Variants in NEDD9 observed in about 807,000 individuals in gnomAD.
NEDD9 encodes the protein enhancer of filamentation 1.
NEDD9 carries 26 observed loss-of-function variants against 76.6 expected under a neutral mutation model. The observed-to-expected ratio is 0.34, with a 90% CI of 0.25 to 0.47. The LOEUF (loss-of-function observed/expected upper bound fraction) is 0.47. Ranked by LOEUF, NEDD9 falls within the 20% of genes least tolerant of loss-of-function variation. The pLI is 1.00. For missense variants in NEDD9, 937 were observed against 1,058.5 expected, an observed-to-expected ratio of 0.89 and a Z score of 1.59; for synonymous variants, 392 against 414.2, an observed-to-expected ratio of 0.95 and a Z score of 0.65.
At chr6:11,371,457 C>A (rs1762873774) in intron 1 of NEDD9, among the ~76,000 whole-genome samples, 1 of 152,204 alleles carries the variant, frequency 6.6e-6, no homozygotes, top group East Asian at 1.9e-4. Context: ...TCCCTGGGAA[C>A]CCCTGATCTT....
intron 2 of NEDD9, among the ~76,000 whole-genome samples, chr6:11,211,275 C>A (rs918209362): frequency 1.3e-5 from 2 of 152,150 alleles, no homozygotes; most frequent in African/African-American, 4.8e-5. Context: ...GACGGGGAGC[C>A]ATGGGGAAAG....
At chr6:11,231,642 A>G (rs1332590091) in intron 1 of NEDD9, among the ~76,000 whole-genome samples, 1 of 151,668 alleles carries the variant, frequency 6.6e-6, no homozygotes, top group Non-Finnish European at 1.5e-5. Context: ...TGTCCAATTC[A>G]TTGCAGTCTG....
chr6:11,247,763 TTC>T (rs1360011085), intron 3 of NEDD9, among the ~76,000 whole-genome samples: 1 of 152,270 alleles, frequency 6.6e-6, no homozygotes, highest in Non-Finnish European at 1.5e-5. Context: ...AAAAGATGAC[TTC>T]AGTCGCATGA....
At chr6:11,318,579 G>C (rs772213707) in intron 2 of NEDD9, among the ~76,000 whole-genome samples, 2 of 152,076 alleles carry the variant, frequency 1.3e-5, no homozygotes, top group African/African-American at 2.4e-5. Context: ...TTGTTTTCTT[G>C]TTACTCAGGG....
intron 3 of NEDD9, chr6:11,249,248 G>A: frequency 2.3e-6 from 1 of 443,954 alleles, no homozygotes; most frequent in South Asian, 1.6e-5. Flanking sequence ...AGTCCAATAG[G>A]GTTAAGTTTG....
chr6:11,221,382 TA>T (rs35887409), intron 1 of NEDD9, among the ~76,000 whole-genome samples: 93 of 129,814 alleles, frequency 7.2e-4, no homozygotes, highest in Admixed American at 9.0e-4. Context: ...GACTCTGTCA[TA>T]AAAAAAAAAA....
intron 3 of NEDD9, among the ~76,000 whole-genome samples, chr6:11,265,708 T>C (rs1760188650): frequency 1.3e-5 from 2 of 152,198 alleles, no homozygotes; most frequent in Admixed American, 6.5e-5. Context: ...GTTTATTAAA[T>C]AATGCCCTAA....
intron 1 of NEDD9, among the ~76,000 whole-genome samples, chr6:11,354,091 C>A (rs951578194): frequency 7.9e-5 from 12 of 152,202 alleles, no homozygotes; most frequent in African/African-American, 2.9e-4. Flanking sequence ...ATAAAGCAAG[C>A]AGCTGTGTCA....
intron 1 of NEDD9, among the ~76,000 whole-genome samples, chr6:11,339,635 G>A (rs1762236591): frequency 6.6e-6 from 1 of 152,174 alleles, no homozygotes; most frequent in African/African-American, 2.4e-5. Flanking sequence ...TTGGACACAT[G>A]TTATGCCAGA....
Position 11,198,207 on chromosome 6 carries a change from A to G in NEDD9, c.460-4515T>C, listed in dbSNP as rs1758336927. 6.6e-6 allele frequency: 1 copy of G among 152,182 alleles called. No individual in the cohort carries two copies. 9.4% of individuals were successfully genotyped at this position (152,182 alleles called of 1,614,324 possible). ...AACCTGGTTTTCAAAATTGACTTAA[A>G]TTTTAAAAACAGTGTCTTGGCCAAA... On this transcript the variant is annotated intron_variant, in intron 2 of 6. Coordinates refer to ENST00000379446, the MANE Select transcript of NEDD9 (RefSeq NM_006403.4). This position sits in a 1 kb window ranked among gnomAD's most constrained non-coding sequence, Gnocchi z 4.7.
Position 11,356,818 on chromosome 6 carries a change from C to T in NEDD9, c.-213-22257G>A, listed in dbSNP as rs1016774418. Among the ~76,000 whole-genome samples the T allele has an allele frequency of 5.5e-5, 8 of 145,420 alleles. 1 individual carries two copies. The highest frequency in any genetic ancestry group is 4.4e-4 in the Admixed American group (6 of 13,652). ...GATAAATGTTTTATGGCCTGAATGA[C>T]GTGACCTTTCAACCATCTTTCTAAA... On this transcript the variant is annotated intron_variant, in intron 1 of 3. Coordinates refer to the NEDD9 transcript ENST00000397378.
chr6:11,339,105 C>G (rs1032399710), intron 1 of NEDD9, among the ~76,000 whole-genome samples: 1 of 152,034 alleles, frequency 6.6e-6, no homozygotes, highest in Admixed American at 6.6e-5. Flanking sequence ...CCCAATTTCC[C>G]TCCCCCAGAG....
At chr6:11,216,240 G>A (rs1758949806) in intron 1 of NEDD9, among the ~76,000 whole-genome samples, 1 of 152,158 alleles carries the variant, frequency 6.6e-6, no homozygotes, top group Non-Finnish European at 1.5e-5. Flanking sequence ...CCAGGACCCC[G>A]GCACCAGCCT....
At chr6:11,193,779 C>G in intron 2 of NEDD9, 87 bp from the exon 3 acceptor site, 1 of 778,416 alleles carries the variant, frequency 1.3e-6, no homozygotes, top group Non-Finnish European at 2.1e-6. Context: ...CATCCCTCAA[C>G]TCTCCCTCAT....
chr6:11,213,368 G>A lies in NEDD9; in HGVS notation c.372C>T (p.His124=), dbSNP rs148757593. 47 of 1,614,018 alleles carry A rather than the reference G, an allele frequency of 2.9e-5. No homozygotes were observed. The African/African-American group carries it at 4.4e-4, about 15-fold the overall frequency. The change falls in exon 2 of 7, where the codon CAC becomes CAT. Residue 124 remains histidine (H), a synonymous_variant. Transcript: ENST00000379446. This position sits in a 1 kb window ranked among gnomAD's most constrained non-coding sequence, Gnocchi z 5.4. The part of the protein sequence containing the change: ...NQGIYQVPTG[H]GTQEQEVYQV... ...GATATACCTCTTGTTCTTGGGTGCC[G>A]TGGCCAGTGGGGACTTGGTAAATTC... is the stretch of plus-strand genomic sequence containing the variant.
At chr6:11,305,520 AT>A (rs1761159879) in intron 3 of NEDD9, among the ~76,000 whole-genome samples, 2 of 152,196 alleles carry the variant, frequency 1.3e-5, no homozygotes, top group South Asian at 2.1e-4. Context: ...AGAAAAATTG[AT>A]TATTTTCATC....
At chr6:11,233,903 A>G (rs1000475863), upstream of NEDD9, among the ~76,000 whole-genome samples, 6 of 152,010 alleles carry the variant, frequency 3.9e-5, no homozygotes, top group African/African-American at 1.5e-4. Context: ...TTCCTGACCA[A>G]GTTGGATCAG....
intron 2 of NEDD9, among the ~76,000 whole-genome samples, chr6:11,324,341 TC>T (rs1010521859): frequency 2.0e-5 from 3 of 152,170 alleles, no homozygotes; most frequent in African/African-American, 7.2e-5. Flanking sequence ...TGCCCTGGAC[TC>T]CTGCTGTGCA....
intron 3 of NEDD9, among the ~76,000 whole-genome samples, chr6:11,275,565 C>CACACACACACATATATATAT (rs551632582): frequency 1.2e-4 from 18 of 150,286 alleles, no homozygotes; most frequent in African/African-American, 3.9e-4. Context: ...CACACACACA[C>CACACACACACATATATATAT]ATATATATAT....
Sources: gnomAD v4.1 joint callset for allele counts (sites outside exome capture counted in the v4.1 genomes callset) on GRCh38, gnomAD v4.1.1 for gene constraint, Gnocchi (gnomAD v3.1) non-coding constraint, MANE v1.5 for transcripts, NCBI Gene and HGNC (gene_info 2026-07-23, HGNC 2026-07-21) for gene names.